Variants in ASPRV1 observed in about 807,000 individuals in gnomAD.
The protein encoded by ASPRV1 is aspartic peptidase retroviral like 1.
A neutral mutation model predicts 11.0 loss-of-function variants in ASPRV1; 7 were observed. The observed-to-expected ratio is 0.64, with a 90% CI of 0.36 to 1.20. The LOEUF is 1.20. Among genes scored for constraint, ASPRV1 ranks in the 50% most tolerant of loss-of-function variants. The pLI is 0.02. For synonymous variants in ASPRV1, 136 were observed against 138.4 expected (o/e 0.98, Z 0.12); for missense variants, 299 against 320.0 (o/e 0.93, Z 0.50).
upstream of ASPRV1, chr2:69,962,982 T>G: frequency 3.2e-6 from 1 of 311,662 alleles, no homozygotes; most frequent in Non-Finnish European, 6.5e-6. Context: ...ATGGCACACC[T>G]GTGGCTCTGG....
the ASPRV1 span, among the ~76,000 whole-genome samples, chr2:69,984,155 T>C: frequency 6.6e-6 from 1 of 152,062 alleles, no homozygotes; most frequent in Admixed American, 6.6e-5. Flanking sequence ...TCTCCTGCCT[T>C]AGCCTCCCAA....
chr2:69,964,795 G>C (rs1200938709), upstream of ASPRV1: 1 of 152,650 alleles, frequency 6.6e-6, no homozygotes, highest in Non-Finnish European at 1.5e-5. Context: ...TTTCTGGGCT[G>C]TGAGCTCAAC....
At chr2:70,037,398 A>C in the ASPRV1 span, among the ~76,000 whole-genome samples, 5 of 152,120 alleles carry the variant, frequency 3.3e-5, no homozygotes, top group Non-Finnish European at 5.9e-5. Flanking sequence ...ATCTCAGCTG[A>C]CTGCAACCTC....
the ASPRV1 span, among the ~76,000 whole-genome samples, chr2:70,017,126 G>A: frequency 1.0e-3 from 156 of 152,220 alleles, 1 homozygote; most frequent in African/African-American, 3.3e-3. Flanking sequence ...AAGTAGCTGG[G>A]ACTACAGGTG....
downstream of ASPRV1, among the ~76,000 whole-genome samples, chr2:69,955,414 C>T (rs185609586): frequency 2.7e-4 from 41 of 152,362 alleles, no homozygotes; most frequent in Admixed American, 4.6e-4. Context: ...CCAGCAGCTG[C>T]GCTCGGCTTC....
the ASPRV1 span, among the ~76,000 whole-genome samples, chr2:70,051,812 A>C: frequency 6.6e-6 from 1 of 152,040 alleles, no homozygotes; most frequent in Admixed American, 6.6e-5. Context: ...CATCTTTAGA[A>C]AAAAATTTTA....
rs761331152 is a variant in ASPRV1, at chr2:69,960,876, C to T, written c.561G>A (p.Gln187=). Residue 187 remains glutamine, a synonymous_variant, in exon 1 of 1, where the codon CAG becomes CAA. Transcript: ENST00000320256. ...CGGCACTCGCATTGGCCACTAGGAA[C>T]TGTGCCTTCAGCTTCAGCTTGCCTA... ...VSLGKLKLKA[Q]FLVANASAEE... is the part of the protein sequence containing the mutation. 1.2e-6 allele frequency: 2 copies of T among 1,614,150 alleles called. No individual in the cohort carries two copies. Among genetic ancestry groups the T allele is most frequent in the Middle Eastern group, 1.6e-4 (1 of 6,062 alleles).
chr2:69,981,247 T>A, the ASPRV1 span, among the ~76,000 whole-genome samples: 1 of 152,148 alleles, frequency 6.6e-6, no homozygotes, highest in African/African-American at 2.4e-5. Context: ...TATCTATATG[T>A]CCAAGAACAG....
At chr2:69,948,211 G>T in the ASPRV1 span, among the ~76,000 whole-genome samples, 42 of 152,154 alleles carry the variant, frequency 2.8e-4, no homozygotes, top group African/African-American at 9.9e-4. Context: ...TTGCACCACC[G>T]CACTCCAGCC....
At chr2:70,058,936 G>C in the ASPRV1 span, among the ~76,000 whole-genome samples, 2 of 140,076 alleles carry the variant, frequency 1.4e-5, no homozygotes, top group Non-Finnish European at 3.0e-5. Flanking sequence ...ACCCAAGCTG[G>C]AATGCAATGG....
At chr2:70,027,828 A>G in the ASPRV1 span, among the ~76,000 whole-genome samples, 1 of 152,244 alleles carries the variant, frequency 6.6e-6, no homozygotes, top group African/African-American at 2.4e-5. Context: ...AATAACTAGA[A>G]GATTTAGAAT....
At chr2:70,035,350 C>A in the ASPRV1 span, among the ~76,000 whole-genome samples, 1 of 152,076 alleles carries the variant, frequency 6.6e-6, no homozygotes, top group African/African-American at 2.4e-5. Context: ...GCAGAAAAGT[C>A]CTATGGTGCC....
chr2:70,038,986 G>C, the ASPRV1 span, among the ~76,000 whole-genome samples: 1 of 151,980 alleles, frequency 6.6e-6, no homozygotes, highest in Non-Finnish European at 1.5e-5. Flanking sequence ...GGCTGAGGTA[G>C]GAGAATCACT....
chr2:70,025,249 G>A, the ASPRV1 span, among the ~76,000 whole-genome samples: 3,696 of 152,220 alleles, frequency 0.024, 342 homozygotes, highest in Admixed American at 0.17. Flanking sequence ...ATGATAGAAA[G>A]AGTGATCTCC....
chr2:70,076,480 T>C, the ASPRV1 span, among the ~76,000 whole-genome samples: 95 of 152,366 alleles, frequency 6.2e-4, no homozygotes, highest in Middle Eastern at 3.4e-3. Flanking sequence ...CTAAGCACTT[T>C]ACATAGCTGA....
At chr2:69,936,879 C>T in the ASPRV1 span, 7 of 437,854 alleles carry the variant, frequency 1.6e-5, no homozygotes, top group Admixed American at 2.7e-5. Context: ...TTTTCTAGTC[C>T]GGAGATCAGG....
the ASPRV1 span, chr2:70,063,988 G>C: frequency 6.6e-6 from 1 of 152,086 alleles, no homozygotes; most frequent in African/African-American, 2.4e-5. Flanking sequence ...TTCCTTCCTT[G>C]CTTAGAATTC....
the ASPRV1 span, chr2:70,051,238 AT>A: frequency 2.6e-5 from 4 of 152,192 alleles, no homozygotes; most frequent in African/African-American, 9.6e-5. Context: ...CTGAGTCAGA[AT>A]TCAGCCCCTA....
the ASPRV1 span, among the ~76,000 whole-genome samples, chr2:69,999,655 CAAAAAAAAAAAAA>C: frequency 6.3e-4 from 34 of 54,034 alleles, no homozygotes; most frequent in African/African-American, 2.0e-3. Context: ...GACTCTGTCT[CAAAAAAAAAAAAA>C]AAAAAAAAAA....
Sources: allele counts gnomAD v4.1 joint callset (sites outside exome capture counted in the v4.1 genomes callset), GRCh38; gene constraint gnomAD v4.1.1; transcripts MANE v1.5; gene names NCBI Gene and HGNC (gene_info 2026-07-23, HGNC 2026-07-21).